DLG2: variants seen among roughly 807,000 people sequenced by gnomAD.
DLG2 encodes discs large MAGUK scaffold protein 2, also known as disks large homolog 2.
DLG2 carries 45 observed loss-of-function variants against 132.5 expected under a neutral mutation model. The observed-to-expected ratio is 0.34, with a 90% CI of 0.27 to 0.44. The LOEUF is 0.44. Among genes scored for constraint, DLG2 ranks in the 20% least tolerant of loss-of-function variants. The pLI is 1.00. For missense variants in DLG2, 1,045 were observed against 1,196.9 expected (o/e 0.87, Z 1.87); for synonymous variants, 424 against 419.6 (o/e 1.01, Z -0.13).
At chr11:84,663,241 ATATATATAT>A (rs1160126437) in intron 6 of DLG2, among the ~76,000 whole-genome samples, 1 of 65,850 alleles carries the variant, frequency 1.5e-5, no homozygotes, top group African/African-American at 6.0e-5. Flanking sequence ...ATATATATAT[ATATATATAT>A]TTTTTTTTCA....
intron 19 of DLG2, among the ~76,000 whole-genome samples, chr11:83,568,970 T>C (rs563508072): frequency 1.1e-4 from 17 of 152,330 alleles, no homozygotes; most frequent in African/African-American, 3.8e-4. Context: ...CTTCGATTTA[T>C]TAATGAGAAA....
chr11:84,720,582 T>C (rs2061700255), intron 6 of DLG2: 2 of 667,380 alleles, frequency 3.0e-6, no homozygotes, highest in Admixed American at 6.3e-5. Flanking sequence ...GGGGTCTCCC[T>C]TCCCTGGGGA....
chr11:84,232,790 T>C (rs1221559722), intron 8 of DLG2, among the ~76,000 whole-genome samples: 1 of 152,212 alleles, frequency 6.6e-6, no homozygotes, highest in African/African-American at 2.4e-5. Flanking sequence ...GTCTTCAGTA[T>C]TCTGCTATAC....
Position 84,331,829 on chromosome 11 carries a change from C to G in DLG2, c.520-80538G>C, listed in dbSNP as rs142515015. ...CAAAGAAATCTTCTTTATTTCAGAT[C>G]TCACGCATAAGCCAATAAAACATAA... is the stretch of plus-strand genomic sequence containing the variant. On this transcript the variant is annotated intron_variant, in intron 7 of 27. Coordinates refer to ENST00000376104, the MANE Select transcript of DLG2 (RefSeq NM_001142699.3). 3.2e-3 allele frequency among the ~76,000 whole-genome samples: 486 copies of G among 152,226 alleles called. 3 individuals are homozygous for G. Among genetic ancestry groups the G allele is most frequent in the African/African-American group, 0.011 (466 of 41,528 alleles).
chr11:84,584,490 G>A lies in DLG2; in HGVS notation c.358-49759C>T, dbSNP rs553100256. Among the ~76,000 whole-genome samples the A allele has an allele frequency of 3.3e-5, 5 of 151,450 alleles. No individual in the cohort carries two copies. In the South Asian group the frequency reaches 6.2e-4, roughly 19 times the overall value. ...GGCTCCCAAGTAACTGGGACTACAGGTGGGTGTCACCATGCCTGGCTATTT... is the reference window on the plus strand; with the variant it reads ...GGCTCCCAAGTAACTGGGACTACAGATGGGTGTCACCATGCCTGGCTATTT... On this transcript the variant is annotated intron_variant, in intron 6 of 27. Coordinates refer to ENST00000376104, the MANE Select transcript of DLG2 (RefSeq NM_001142699.3).
chr11:83,518,540 C>A (rs193142738), intron 21 of DLG2, among the ~76,000 whole-genome samples: 1 of 152,166 alleles, frequency 6.6e-6, no homozygotes, highest in Non-Finnish European at 1.5e-5. Flanking sequence ...GTGCACTGCA[C>A]CCGCTATCCG....
At chr11:84,996,635 A>AT (rs2057676793) in intron 6 of DLG2, among the ~76,000 whole-genome samples, 1 of 152,182 alleles carries the variant, frequency 6.6e-6, no homozygotes, top group Non-Finnish European at 1.5e-5. Flanking sequence ...ACAAAATCCA[A>AT]TTTTAGAAAA....
At chr11:84,420,553 T>A (rs2098945198) in intron 7 of DLG2, among the ~76,000 whole-genome samples, 1 of 150,494 alleles carries the variant, frequency 6.6e-6, no homozygotes, top group African/African-American at 2.4e-5. Flanking sequence ...GGAAAAAATG[T>A]ATCACGAGGG....
intron 9 of DLG2, among the ~76,000 whole-genome samples, chr11:84,126,937 A>C (rs1235619147): frequency 6.6e-6 from 1 of 152,220 alleles, no homozygotes; most frequent in African/African-American, 2.4e-5. Flanking sequence ...GAATAAGTGA[A>C]TGTCAGTGAG....
At chr11:83,947,760 T>C (rs2084411889) in intron 14 of DLG2, among the ~76,000 whole-genome samples, 1 of 152,200 alleles carries the variant, frequency 6.6e-6, no homozygotes, top group Non-Finnish European at 1.5e-5. Context: ...CAAAGTCAAA[T>C]AGCTAGTAAA....
rs1555086383 is a variant in DLG2 at position 85,377,803 on chromosome 11, A to ATG, written c.41-92440_41-92439dup. ...TGTATACATATATATATATATATAT[A>ATG]TGTGTGTGTGTGTGTGTGTGTATAC... On this transcript the variant is annotated intron_variant, in intron 3 of 27. Transcript: ENST00000376104. Among the ~76,000 whole-genome samples, 633 of 131,238 alleles carry ATG rather than the reference A, an allele frequency of 4.8e-3. 6 individuals carry two copies. The highest frequency in any genetic ancestry group is 6.4e-3 in the South Asian group (26 of 4,066). The allele number at this position is 131,238 out of a possible 152,430, so 86.1% of individuals were successfully genotyped here.
intron 3 of DLG2, among the ~76,000 whole-genome samples, chr11:85,475,214 A>G (rs950193361): frequency 2.0e-5 from 3 of 151,918 alleles, no homozygotes; most frequent in Non-Finnish European, 4.4e-5. Context: ...AAACTTAAAA[A>G]GACATCAAAG....
At chr11:84,940,498 T>C (rs1260226124) in intron 6 of DLG2, among the ~76,000 whole-genome samples, 1 of 152,242 alleles carries the variant, frequency 6.6e-6, no homozygotes, top group East Asian at 1.9e-4. Flanking sequence ...CCTTTTCAAA[T>C]ACCTATTTGC....
chr11:83,552,130 C>T (rs2096405687), intron 19 of DLG2, among the ~76,000 whole-genome samples: 2 of 152,190 alleles, frequency 1.3e-5, no homozygotes, highest in African/African-American at 4.8e-5. Flanking sequence ...AAACAATAAA[C>T]ATAATAAATA....
intron 6 of DLG2, among the ~76,000 whole-genome samples, chr11:84,776,135 G>A (rs2070438877): frequency 6.6e-6 from 1 of 151,802 alleles, no homozygotes; most frequent in African/African-American, 2.4e-5. Flanking sequence ...CACCTTTTTA[G>A]GCATGTACAA....
intron 7 of DLG2, among the ~76,000 whole-genome samples, chr11:84,314,453 G>A (rs768706971): frequency 3.9e-5 from 6 of 152,130 alleles, no homozygotes; most frequent in Admixed American, 6.6e-5. Flanking sequence ...ATATACGTAA[G>A]TGTATAGTAC....
intron 18 of DLG2, among the ~76,000 whole-genome samples, chr11:83,690,407 T>C (rs1445660525): frequency 8.6e-5 from 13 of 151,820 alleles, no homozygotes; most frequent in African/African-American, 3.1e-4. Flanking sequence ...TTATTTTTAA[T>C]ATATATTTTA....
chr11:84,963,017 C>A (rs2052805639), intron 6 of DLG2, among the ~76,000 whole-genome samples: 1 of 152,124 alleles, frequency 6.6e-6, no homozygotes, highest in Admixed American at 6.6e-5. Context: ...TCTAAATATT[C>A]TCTATAGTAA....
intron 7 of DLG2, among the ~76,000 whole-genome samples, chr11:84,406,904 G>A (rs1331428664): frequency 6.6e-6 from 1 of 152,226 alleles, no homozygotes; most frequent in Admixed American, 6.5e-5. Context: ...GAAGGTGAGA[G>A]AGGGAAAAGG....
Sources: allele counts gnomAD v4.1 joint callset (sites outside exome capture counted in the v4.1 genomes callset), GRCh38; gene constraint gnomAD v4.1.1; transcripts MANE v1.5; gene names NCBI Gene and HGNC (gene_info 2026-07-23, HGNC 2026-07-21).